Variants in CCAR2 observed in about 807,000 individuals in gnomAD.
CCAR2 encodes cell cycle and apoptosis regulator 2.
Under a neutral mutation model 108.1 loss-of-function variants are expected in CCAR2, and 21 were observed. The observed-to-expected ratio is 0.19, with a 90% CI of 0.14 to 0.28. CCAR2 has a LOEUF of 0.28. Ranked by LOEUF, CCAR2 falls within the 10% of genes least tolerant of loss-of-function variation. The pLI, the probability that CCAR2 is intolerant of heterozygous loss-of-function variation, is 1.00. For missense variants in CCAR2, 1,126 were observed against 1,177.0 expected (o/e 0.96, Z 0.63); for synonymous variants, 577 against 472.8 (o/e 1.22, Z -2.86).
In CCAR2 at chr8:22,619,177, C is replaced by G. The variant is rs17855966; in HGVS notation, c.2549C>G (p.Thr850Ser). 3 of 1,599,104 alleles carry G rather than the reference C, an allele frequency of 1.9e-6. No individual in the cohort carries two copies. Among genetic ancestry groups the G allele is most frequent in the Middle Eastern group, 1.7e-4 (1 of 6,060 alleles). Residue 850 changes from threonine to serine, a missense_variant, in exon 20 of 21, where the codon ACT becomes AGT. Physicochemically the swap from Thr to Ser is moderately conservative, Grantham distance 58. Transcript: ENST00000308511. ...GAGAGCCATAACCGTTTCTCAGCCACTGAAGTAACCAATAAGACGCTGGCG... is the reference window on the plus strand; with the variant it reads ...GAGAGCCATAACCGTTTCTCAGCCAGTGAAGTAACCAATAAGACGCTGGCG... ...LEESHNRFSATEVTNKTLAAE... is the reference protein window; with the variant it reads ...LEESHNRFSASEVTNKTLAAE...
chr8:22,612,500 T>G (rs1218439853), intron 7 of CCAR2, among the ~76,000 whole-genome samples: 1 of 145,408 alleles, frequency 6.9e-6, no homozygotes, highest in Non-Finnish European at 1.5e-5. Flanking sequence ...TCTCTTGACC[T>G]CGTGATCTGC....
At chr8:22,607,080 G>T (rs1371089341) in intron 5 of CCAR2, 56 bp downstream of exon 5, 5 of 1,609,274 alleles carry the variant, frequency 3.1e-6, no homozygotes, top group African/African-American at 1.3e-5. Context: ...AAGCCCCTGT[G>T]CCCTGACAGC....
chr8:22,607,111 G>A, intron 5 of CCAR2, 85 bp from the exon 6 acceptor site: 1 of 1,608,544 alleles, frequency 6.2e-7, no homozygotes, highest in Non-Finnish European at 8.5e-7. Flanking sequence ...CCTGACTTTT[G>A]TCAGGGGGGT....
chr8:22,609,592 G>C (rs570470679), intron 7 of CCAR2, among the ~76,000 whole-genome samples: 1 of 152,256 alleles, frequency 6.6e-6, no homozygotes, highest in African/African-American at 2.4e-5. Context: ...TATATATTTT[G>C]TGTTTACCCA....
At chr8:22,621,401 T>A, downstream of CCAR2, 2 of 1,607,278 alleles carry the variant, frequency 1.2e-6, no homozygotes, top group Non-Finnish European at 1.7e-6. Flanking sequence ...GTCACAGGAG[T>A]CCTCCAAGAG....
chr8:22,617,133 A>C (rs1273033772), intron 14 of CCAR2, among the ~76,000 whole-genome samples: 1 of 151,792 alleles, frequency 6.6e-6, no homozygotes, highest in Non-Finnish European at 1.5e-5. Context: ...TACAGGTGTG[A>C]GCCACCATGG....
At position 22,615,826 on chromosome 8, in the gene CCAR2, G is replaced by A. The variant is rs780066409; in HGVS notation, c.1522G>A (p.Ala508Thr). ...PEAPPPPLEP[A>T]VIARPGCVNL... is the part of the protein sequence containing the mutation. ...GGCCCCTCCACCCCCCCTAGAACCT[G>A]CTGTCATCGCACGCCCTGGCTGTGT... is the stretch of plus-strand genomic sequence containing the variant. Residue 508 changes from alanine to threonine, a missense_variant, in exon 13 of 21, where the codon GCT (alanine) becomes ACT (threonine). By Grantham distance (58) the Ala-to-Thr change is moderately conservative. This residue lies in a region of CCAR2 where 1,013 missense variants were observed against 993.9 expected (regional missense o/e 1.02). Coordinates refer to ENST00000308511, the MANE Select transcript of CCAR2 (RefSeq NM_001393997.1). The A allele has an allele frequency of 6.2e-7, 1 of 1,613,846 alleles. No individual in the cohort carries two copies. The highest frequency in any genetic ancestry group is 1.3e-5 in the African/African-American group (1 of 74,896).
intron 20 of CCAR2, 123 bp from the exon 21 acceptor site, chr8:22,619,515 C>G: frequency 7.1e-7 from 1 of 1,412,076 alleles, no homozygotes; most frequent in Non-Finnish European, 9.7e-7. Flanking sequence ...GTTGCAGGTT[C>G]TCTGGGAATT....
At chr8:22,617,807 C>G in intron 16 of CCAR2, 29 bp downstream of exon 16, 1 of 1,609,674 alleles carries the variant, frequency 6.2e-7, no homozygotes, top group Non-Finnish European at 8.5e-7. Flanking sequence ...CACTCTGGGT[C>G]TCAGTGGTGG....
At chr8:22,617,388 C>T in intron 14 of CCAR2, 32 bp from the exon 15 acceptor site, 2 of 1,518,574 alleles carry the variant, frequency 1.3e-6, no homozygotes, top group Non-Finnish European at 1.8e-6. Flanking sequence ...AACTGCCTGC[C>T]TTTTCCTTAT....
At chr8:22,607,114 AG>A in intron 5 of CCAR2, 81 bp from the exon 6 acceptor site, 4 of 1,608,196 alleles carry the variant, frequency 2.5e-6, no homozygotes, top group East Asian at 2.2e-5. Context: ...GACTTTTGTC[AG>A]GGGGGTGGGA....
rs753311671 is a variant in CCAR2 at position 22,618,846 on chromosome 8, C to T, written c.2352C>T (p.Pro784=). The change falls in exon 19 of 21, where the codon CCC becomes CCT. Residue 784 remains proline (P), a synonymous_variant. Transcript: ENST00000308511. The part of the protein sequence containing the change: ...EVLFGNLDLL[P]PPGKSTKPGA... ...CTCTAGGAAACCTGGACCTGCTGCCCCCTCCTGGGAAAAGCACGAAGCCAG... is the reference window on the plus strand; with the variant it reads ...CTCTAGGAAACCTGGACCTGCTGCCTCCTCCTGGGAAAAGCACGAAGCCAG... 1.2e-6 allele frequency: 2 copies of T among 1,613,800 alleles called. No homozygotes were observed. Among genetic ancestry groups the T allele is most frequent in the South Asian group, 2.2e-5 (2 of 91,080 alleles).
intron 8 of CCAR2, 39 bp downstream of exon 8, chr8:22,613,175 G>A: frequency 1.3e-6 from 2 of 1,511,264 alleles, no homozygotes; most frequent in Admixed American, 2.3e-5. Flanking sequence ...TCTTGCTGCT[G>A]GTAATAGTTT....
chr8:22,619,533 C>T (rs1354254900), intron 20 of CCAR2, 105 bp from the exon 21 acceptor site: 2 of 1,430,756 alleles, frequency 1.4e-6, no homozygotes, highest in African/African-American at 2.8e-5. Context: ...ATTGAGCAGT[C>T]AGCAGCGTGC....
intron 6 of CCAR2, 150 bp downstream of exon 6, chr8:22,607,475 T>TG: frequency 1.1e-6 from 1 of 900,670 alleles, no homozygotes; most frequent in Non-Finnish European, 1.6e-6. Flanking sequence ...GGGTTTTTTT[T>TG]TTTTTTTTTT....
downstream of CCAR2, chr8:22,621,289 T>G: frequency 1.6e-6 from 2 of 1,224,690 alleles, no homozygotes; most frequent in Non-Finnish European, 2.2e-6. Flanking sequence ...GAAGAGTCAT[T>G]CATTGCAAAG....
At chr8:22,615,392 A>G (rs773870959) in intron 11 of CCAR2, 33 bp from the exon 12 acceptor site, 9 of 1,602,430 alleles carry the variant, frequency 5.6e-6, no homozygotes, top group Non-Finnish European at 7.7e-6. Flanking sequence ...AGTTGTCACT[A>G]AAGAAGTTAG....
rs1414045201 is a variant in CCAR2, at chr8:22,619,495, T to C, written c.2727+140T>C. On this transcript the variant is annotated intron_variant, in intron 20 of 20. Coordinates refer to ENST00000308511, the MANE Select transcript of CCAR2 (RefSeq NM_001393997.1). ...CGTCTTTCCATCGCTTGCCAGGCAG[T>C]GTGCCCCTGGTTGCAGGTTCTCTGG... is the stretch of plus-strand genomic sequence containing the variant. The C allele has an allele frequency of 3.3e-5, 46 of 1,400,518 alleles. No individual in the cohort carries two copies. The South Asian group carries it at 5.9e-4, about 18-fold the overall frequency. 86.8% of individuals were successfully genotyped at this position (1,400,518 alleles called of 1,614,324 possible).
At chr8:22,610,892 A>G (rs1420371842) in intron 7 of CCAR2, among the ~76,000 whole-genome samples, 2 of 152,194 alleles carry the variant, frequency 1.3e-5, no homozygotes, top group African/African-American at 2.4e-5. Flanking sequence ...GGCACGTTAT[A>G]ATGAATGGTC....
Sources: gnomAD v4.1 joint callset for allele counts (sites outside exome capture counted in the v4.1 genomes callset) on GRCh38, gnomAD v4.1.1 for gene constraint, gnomAD v4.1.1 regional missense constraint, MANE v1.5 for transcripts, NCBI Gene and HGNC (gene_info 2026-07-23, HGNC 2026-07-21) for gene names.